ZFPM2: variants seen among roughly 807,000 people sequenced by gnomAD.
ZFPM2 encodes zinc finger protein, FOG family member 2.
In ZFPM2, 20 loss-of-function variants were observed where a neutral mutation model predicts 98.6. The observed-to-expected ratio is 0.20, with a 90% CI of 0.14 to 0.29. The LOEUF is 0.29. Among genes scored for constraint, ZFPM2 ranks in the 10% least tolerant of loss-of-function variants. The pLI is 1.00. For synonymous variants in ZFPM2, 518 were observed against 502.7 expected, an observed-to-expected ratio of 1.03 and a Z score of -0.41; for missense variants, 1,310 against 1,388.6, an observed-to-expected ratio of 0.94 and a Z score of 0.90.
chr8:105,426,023 A>G (rs575782599), intron 2 of ZFPM2, among the ~76,000 whole-genome samples: 3 of 152,294 alleles, frequency 2.0e-5, no homozygotes, highest in South Asian at 4.1e-4. Context: ...TTCAATGAAC[A>G]TGCTTTCTTT....
intron 4 of ZFPM2, among the ~76,000 whole-genome samples, chr8:105,617,614 G>C (rs922123024): frequency 3.3e-5 from 5 of 152,108 alleles, no homozygotes; most frequent in African/African-American, 1.2e-4. Flanking sequence ...AGTATAATGT[G>C]ATGAGGCTGT....
chr8:105,390,590 C>T (rs1040651529), intron 1 of ZFPM2, among the ~76,000 whole-genome samples: 20 of 152,280 alleles, frequency 1.3e-4, no homozygotes, highest in African/African-American at 4.3e-4. Context: ...TCCACTCCCC[C>T]GTATCCTCCT....
chr8:105,593,166 A>T (rs1279159683), intron 4 of ZFPM2, among the ~76,000 whole-genome samples: 1 of 152,118 alleles, frequency 6.6e-6, no homozygotes, highest in Non-Finnish European at 1.5e-5. Context: ...TGTATGTCTA[A>T]GAACTTGTTA....
rs1285900992 is a variant in ZFPM2 at position 105,803,480 on chromosome 8, A to G, written c.3398A>G (p.Asn1133Ser). ...GATATCCAGTTCAACAACCTTTCAA[A>G]CTTTATAACTCACAAGAAGTTTTAT... ...LCDIQFNNLSNFITHKKFYCS... is the reference protein window; with the variant it reads ...LCDIQFNNLSSFITHKKFYCS... The change falls in exon 8 of 8, where the codon AAC becomes AGC. Residue 1133 changes from asparagine to serine, a missense_variant. Coordinates refer to ENST00000407775, the MANE Select transcript of ZFPM2 (RefSeq NM_012082.4). 5 of 1,613,156 alleles carry G rather than the reference A, an allele frequency of 3.1e-6. No homozygotes were observed. Among genetic ancestry groups the G allele is most frequent in the Non-Finnish European group, 4.2e-6 (5 of 1,179,560 alleles).
At chr8:105,738,284 T>C (rs1037086905) in intron 5 of ZFPM2, among the ~76,000 whole-genome samples, 2 of 152,102 alleles carry the variant, frequency 1.3e-5, no homozygotes, top group African/African-American at 4.8e-5. Context: ...TGGTTTTCTG[T>C]TCCTGTGTTA....
intron 3 of ZFPM2, among the ~76,000 whole-genome samples, chr8:105,487,428 C>T (rs1374153823): frequency 2.0e-5 from 3 of 152,104 alleles, no homozygotes; most frequent in Non-Finnish European, 1.5e-5. Flanking sequence ...CACAATATGT[C>T]ATATTATACA....
chr8:105,338,286 A>C (rs1019997810), intron 1 of ZFPM2, among the ~76,000 whole-genome samples: 1 of 151,750 alleles, frequency 6.6e-6, no homozygotes, highest in African/African-American at 2.4e-5. Flanking sequence ...GTTCACATAT[A>C]TATTAAATTC....
Position 105,443,315 on chromosome 8 carries a change from AAAACAAAAAAC to A in ZFPM2, c.200-961_200-951del, listed in dbSNP as rs1467833980. The stretch of plus-strand genomic sequence containing the variant: ...CAGAGCGAGTAAGACTCCTTCTCAA[AAAACAAAAAAC>A]AAAAAAAAAAAAACTTGGCATTATT... On this transcript the variant is annotated intron_variant, in intron 2 of 7. Transcript: ENST00000407775. Among the ~76,000 whole-genome samples the A allele has an allele frequency of 5.4e-5, 8 of 148,570 alleles. 1 individual carries two copies. Among genetic ancestry groups the A allele is most frequent in the African/African-American group, 1.8e-4 (7 of 39,636 alleles).
intron 4 of ZFPM2, among the ~76,000 whole-genome samples, chr8:105,563,325 G>T (rs1815178146): frequency 6.6e-6 from 1 of 152,112 alleles, no homozygotes; most frequent in African/African-American, 2.4e-5. Context: ...AGAATAAATA[G>T]GAAATATTTG....
At chr8:105,550,478 G>A (rs975943902) in intron 3 of ZFPM2, among the ~76,000 whole-genome samples, 6 of 152,100 alleles carry the variant, frequency 3.9e-5, no homozygotes, top group African/African-American at 1.2e-4. Context: ...TTTTAGCTTT[G>A]AGCCCTAGCC....
At chr8:105,543,411 A>G (rs1425243800) in intron 3 of ZFPM2, among the ~76,000 whole-genome samples, 1 of 152,182 alleles carries the variant, frequency 6.6e-6, no homozygotes, top group African/African-American at 2.4e-5. Context: ...ACTTGAACCC[A>G]GAAGGCAGAG....
At chr8:105,712,479 A>G (rs533017736) in intron 5 of ZFPM2, among the ~76,000 whole-genome samples, 24 of 152,092 alleles carry the variant, frequency 1.6e-4, no homozygotes, top group Non-Finnish European at 3.2e-4. Context: ...ATGCGGAGGT[A>G]TGTCGGAATC....
At chr8:105,421,973 G>T (rs1269746500) in intron 2 of ZFPM2, among the ~76,000 whole-genome samples, 1 of 137,802 alleles carries the variant, frequency 7.3e-6, no homozygotes, top group Non-Finnish European at 1.5e-5. Flanking sequence ...CTTGAACCCA[G>T]AAGGCAGAAG....
intron 5 of ZFPM2, among the ~76,000 whole-genome samples, chr8:105,783,381 A>C (rs1813317257): frequency 6.6e-6 from 1 of 151,806 alleles, no homozygotes. Context: ...TTTTTTCTCA[A>C]TTTTTAAAAT....
intron 3 of ZFPM2, among the ~76,000 whole-genome samples, chr8:105,553,771 T>C (rs1361411819): frequency 6.6e-6 from 1 of 152,200 alleles, no homozygotes; most frequent in Admixed American, 6.5e-5. Flanking sequence ...CTGTTAGAGT[T>C]ACATATGGCT....
At chr8:105,728,651 A>G (rs923469991) in intron 5 of ZFPM2, among the ~76,000 whole-genome samples, 4 of 151,792 alleles carry the variant, frequency 2.6e-5, no homozygotes, top group African/African-American at 9.7e-5. Context: ...ACAATTTCCA[A>G]TCTACATCAT....
chr8:105,610,294 A>AG (rs1721836984), intron 4 of ZFPM2, among the ~76,000 whole-genome samples: 2 of 152,170 alleles, frequency 1.3e-5, no homozygotes, highest in Admixed American at 1.3e-4. Flanking sequence ...GTGATTAAAA[A>AG]CAGAATAAGA....
chr8:105,520,564 A>T (rs1049740097), intron 3 of ZFPM2, among the ~76,000 whole-genome samples: 4 of 152,122 alleles, frequency 2.6e-5, no homozygotes, highest in Non-Finnish European at 4.4e-5. Context: ...ATATGTATAG[A>T]TGACATAATC....
At chr8:105,360,087 T>C (rs1376197346) in intron 1 of ZFPM2, among the ~76,000 whole-genome samples, 1 of 152,240 alleles carries the variant, frequency 6.6e-6, no homozygotes, top group African/African-American at 2.4e-5. Flanking sequence ...CTCTGTTCTT[T>C]CATCATACAG....
Sources: gnomAD v4.1 joint callset for allele counts (sites outside exome capture counted in the v4.1 genomes callset) on GRCh38, gnomAD v4.1.1 for gene constraint, MANE v1.5 for transcripts, NCBI Gene and HGNC (gene_info 2026-07-23, HGNC 2026-07-21) for gene names.